The following CMC1 variants were observed in gnomAD, a reference collection of about 807,000 sequenced individuals.
CMC1 encodes C-X9-C motif containing 1.
CMC1 carries 14 observed loss-of-function variants against 14.1 expected under a neutral mutation model. The ratio of observed to expected loss-of-function variants is 0.99; its 90% CI spans 0.66 to 1.55. CMC1 has a LOEUF of 1.55. CMC1 is among the 40% of genes most tolerant of loss of function. The pLI is 0.00. For synonymous variants in CMC1, 50 were observed against 38.4 expected (o/e 1.30, Z -1.12); for missense variants, 127 against 123.8 (o/e 1.03, Z -0.12).
intron 2 of CMC1, among the ~76,000 whole-genome samples, chr3:28,273,219 G>T (rs554679815): frequency 6.6e-6 from 1 of 152,214 alleles, no homozygotes; most frequent in South Asian, 2.1e-4. Flanking sequence ...GTTTTTTGTT[G>T]TGAGCACTTA....
chr3:28,267,546 C>A (rs185329247), intron 2 of CMC1, among the ~76,000 whole-genome samples: 3 of 152,108 alleles, frequency 2.0e-5, no homozygotes, highest in Non-Finnish European at 4.4e-5. Flanking sequence ...ATTTATGTTG[C>A]AGTCTTTATG....
intron 2 of CMC1, among the ~76,000 whole-genome samples, chr3:28,303,007 A>G (rs1174029575): frequency 2.0e-5 from 3 of 152,210 alleles, no homozygotes; most frequent in Admixed American, 2.0e-4. Context: ...AAACCAATCT[A>G]TGTATGCCAC....
At position 28,263,287 on chromosome 3, in the gene CMC1, T is replaced by C. The variant is rs1355182387; in HGVS notation, c.20-4T>C. On this transcript the variant is annotated splice_polypyrimidine_tract_variant and splice_region_variant and intron_variant, in intron 1 of 3. Transcript: ENST00000466830. ...TTATTAAAGAAAGATCTTTTTTTTTTCAGACCAGCATCTCAGACATGTCGA... is the reference window on the plus strand; with the variant it reads ...TTATTAAAGAAAGATCTTTTTTTTTCCAGACCAGCATCTCAGACATGTCGA... 2 of 1,587,754 alleles carry C rather than the reference T, an allele frequency of 1.3e-6. No homozygotes were observed. The highest frequency in any genetic ancestry group is 2.3e-5 in the East Asian group (1 of 44,380).
chr3:28,294,131 AG>A (rs1240813363), intron 2 of CMC1, among the ~76,000 whole-genome samples: 1 of 152,184 alleles, frequency 6.6e-6, no homozygotes, highest in Non-Finnish European at 1.5e-5. Flanking sequence ...GTGCTGTAAC[AG>A]GATCATCTGT....
At chr3:28,249,968 GGGA>G (rs1253223985) in intron 1 of CMC1, among the ~76,000 whole-genome samples, 4 of 152,106 alleles carry the variant, frequency 2.6e-5, no homozygotes, top group Admixed American at 6.5e-5. Context: ...AGGAGGTTGA[GGGA>G]GGAGGAGGAG....
At chr3:28,249,813 T>C (rs1478062570) in intron 1 of CMC1, among the ~76,000 whole-genome samples, 1 of 93,680 alleles carries the variant, frequency 1.1e-5, no homozygotes, top group Non-Finnish European at 2.6e-5. Flanking sequence ...GTACATTAAT[T>C]TTTTTTACTA....
At chr3:28,309,239 C>T (rs1230816602) in intron 2 of CMC1, among the ~76,000 whole-genome samples, 6 of 152,206 alleles carry the variant, frequency 3.9e-5, no homozygotes, top group African/African-American at 1.2e-4. Context: ...GCTTCCAACT[C>T]ATAGGTAACT....
chr3:28,308,542 T>G (rs1485974478), intron 2 of CMC1, among the ~76,000 whole-genome samples: 1 of 152,214 alleles, frequency 6.6e-6, no homozygotes, highest in Non-Finnish European at 1.5e-5. Flanking sequence ...ATATTGAATC[T>G]TAGCTTTACA....
intron 1 of CMC1, among the ~76,000 whole-genome samples, chr3:28,251,491 GA>G (rs1157211087): frequency 1.3e-5 from 2 of 152,144 alleles, no homozygotes; most frequent in Non-Finnish European, 2.9e-5. Context: ...TTCAACATGA[GA>G]TTTGGTGGGG....
intron 2 of CMC1, among the ~76,000 whole-genome samples, chr3:28,303,080 A>T (rs1553620602): frequency 6.6e-6 from 1 of 152,216 alleles, no homozygotes; most frequent in Non-Finnish European, 1.5e-5. Flanking sequence ...GCAAATGAAG[A>T]TAAAAATAGT....
chr3:28,285,426 C>A (rs1326054611), intron 2 of CMC1, among the ~76,000 whole-genome samples: 1 of 151,798 alleles, frequency 6.6e-6, no homozygotes, highest in Non-Finnish European at 1.5e-5. Flanking sequence ...AAACACATGA[C>A]TTTCTGTCAA....
chr3:28,256,215 A>ATG (rs1699401064), intron 1 of CMC1, among the ~76,000 whole-genome samples: 1 of 151,920 alleles, frequency 6.6e-6, no homozygotes, highest in South Asian at 2.1e-4. Flanking sequence ...ATATATATAT[A>ATG]TATGTATACG....
intron 2 of CMC1, among the ~76,000 whole-genome samples, chr3:28,268,904 G>C (rs1485594480): frequency 6.6e-6 from 1 of 152,016 alleles, no homozygotes; most frequent in Non-Finnish European, 1.5e-5. Context: ...ACTTTCCATG[G>C]TTTCAATTAC....
In CMC1 at chr3:28,320,890, AC is replaced by A. The variant is rs1703165448; in HGVS notation, c.*1262del. ...ACTAGTTTCAAGATAAGTAAATTTT[AC>A]GTATATTTTCACAGTCCTCATTAAA... On this transcript the variant is annotated 3_prime_UTR_variant, in exon 4 of 4. Transcript: ENST00000466830. The A allele has an allele frequency of 6.6e-6, 1 of 151,410 alleles. No individual in the cohort carries two copies. Among genetic ancestry groups the A allele is most frequent in the Admixed American group, 6.6e-5 (1 of 15,106 alleles). 9.4% of individuals were successfully genotyped at this position (151,410 alleles called of 1,614,324 possible). A position where few individuals can be genotyped will look rare whatever the true frequency, so the allele number is the denominator to read the frequency against.
At chr3:28,296,398 A>G (rs1701743256) in intron 2 of CMC1, among the ~76,000 whole-genome samples, 2 of 152,086 alleles carry the variant, frequency 1.3e-5, no homozygotes. Context: ...CTGCTGCTTG[A>G]ATTTACTTTC....
chr3:28,307,811 G>A (rs1372723464), intron 2 of CMC1, among the ~76,000 whole-genome samples: 1 of 152,104 alleles, frequency 6.6e-6, no homozygotes, highest in Non-Finnish European at 1.5e-5. Context: ...TTGTATCATA[G>A]TTCCGTAGTT....
At chr3:28,269,617 G>T (rs1215426394) in intron 2 of CMC1, among the ~76,000 whole-genome samples, 2 of 151,808 alleles carry the variant, frequency 1.3e-5, no homozygotes, top group Non-Finnish European at 2.9e-5. Flanking sequence ...CTAAGCTGGA[G>T]GGTAGTGGCG....
At chr3:28,247,243 C>G (rs1034097000) in intron 1 of CMC1, among the ~76,000 whole-genome samples, 3 of 151,258 alleles carry the variant, frequency 2.0e-5, no homozygotes, top group African/African-American at 7.3e-5. Flanking sequence ...TATTTGGGCA[C>G]AGTATTAGAG....
chr3:28,258,345 C>T (rs913649039), intron 1 of CMC1, among the ~76,000 whole-genome samples: 1 of 151,320 alleles, frequency 6.6e-6, no homozygotes, highest in African/African-American at 2.4e-5. Flanking sequence ...TTTTTACTGC[C>T]TTATGCCCTT....
Sources: allele counts gnomAD v4.1 joint callset (sites outside exome capture counted in the v4.1 genomes callset), GRCh38; gene constraint gnomAD v4.1.1; transcripts MANE v1.5; gene names NCBI Gene and HGNC (gene_info 2026-07-23, HGNC 2026-07-21).